EDIL3: variants seen among roughly 807,000 people sequenced by gnomAD.
EDIL3 encodes the protein EGF like and discoidin domains 3.
EDIL3 carries 37 observed loss-of-function variants against 67.4 expected under a neutral mutation model. That is an observed-to-expected ratio of 0.55 (90% CI 0.42 to 0.72). The LOEUF (loss-of-function observed/expected upper bound fraction) is 0.72. EDIL3 is among the 30% of genes least tolerant of loss of function. The pLI, the probability that EDIL3 is intolerant of heterozygous loss-of-function variation, is 0.00. For missense variants in EDIL3, 527 were observed against 586.3 expected (o/e 0.90, Z 1.04); for synonymous variants, 195 against 196.3 (o/e 0.99, Z 0.05).
chr5:83,954,475 G>A (rs1224145355), intron 10 of EDIL3, among the ~76,000 whole-genome samples: 3 of 151,470 alleles, frequency 2.0e-5, no homozygotes, highest in Admixed American at 2.0e-4. Flanking sequence ...AAAAAATAAT[G>A]TGTCACCTTA....
chr5:84,169,394 T>C (rs1748769287), intron 4 of EDIL3, among the ~76,000 whole-genome samples: 1 of 152,096 alleles, frequency 6.6e-6, no homozygotes, highest in African/African-American at 2.4e-5. Flanking sequence ...TTCAGATTTC[T>C]CCAGTTTTAC....
At chr5:84,095,674 G>A (rs919605077) in intron 6 of EDIL3, among the ~76,000 whole-genome samples, 5 of 152,160 alleles carry the variant, frequency 3.3e-5, no homozygotes, top group Admixed American at 1.3e-4. Context: ...AGCTTTATAA[G>A]GGAAGCAAAG....
chr5:84,183,679 G>T (rs535305055), intron 3 of EDIL3, among the ~76,000 whole-genome samples: 1 of 152,152 alleles, frequency 6.6e-6, no homozygotes, highest in Admixed American at 6.6e-5. Flanking sequence ...AGAAATTACC[G>T]AAGAGAGTGG....
rs143170382 is a variant in EDIL3 at position 84,243,689 on chromosome 5, T to A, written c.196+10395A>T. 5.3e-3 allele frequency among the ~76,000 whole-genome samples: 807 copies of A among 152,310 alleles called. 4 individuals carry two copies. Among genetic ancestry groups the A allele is most frequent in the African/African-American group, 0.018 (728 of 41,558 alleles). On this transcript the variant is annotated intron_variant, in intron 2 of 10. Coordinates refer to ENST00000296591, the MANE Select transcript of EDIL3 (RefSeq NM_005711.5). ...GGATTAGTACGTAAGAAAACAAATA[T>A]CTTTACTGGGTTCTATCTCTGGCTG...
intron 1 of EDIL3, among the ~76,000 whole-genome samples, chr5:84,364,932 T>C (rs1355130821): frequency 6.6e-6 from 1 of 152,056 alleles, no homozygotes; most frequent in Non-Finnish European, 1.5e-5. Context: ...CCATAGAGTG[T>C]TATACCAATC....
chr5:84,042,596 T>A (rs1337494997), intron 9 of EDIL3, among the ~76,000 whole-genome samples: 1 of 152,100 alleles, frequency 6.6e-6, no homozygotes, highest in Non-Finnish European at 1.5e-5. Flanking sequence ...ACTATTTTTT[T>A]AATTGAACCT....
At chr5:84,159,424 A>G (rs1452717083) in intron 4 of EDIL3, among the ~76,000 whole-genome samples, 1 of 152,038 alleles carries the variant, frequency 6.6e-6, no homozygotes, top group Non-Finnish European at 1.5e-5. Context: ...ATATAAATGT[A>G]ATAAAACTCA....
chr5:84,173,750 G>A (rs111499478), intron 4 of EDIL3, among the ~76,000 whole-genome samples: 1 of 152,318 alleles, frequency 6.6e-6, no homozygotes, highest in Non-Finnish European at 1.5e-5. Flanking sequence ...CCCCTCCTCA[G>A]CTGGGTGAGT....
intron 10 of EDIL3, among the ~76,000 whole-genome samples, chr5:83,962,729 A>C (rs904522049): frequency 1.3e-5 from 2 of 151,618 alleles, no homozygotes; most frequent in Admixed American, 1.3e-4. Context: ...TATTTCTAAA[A>C]TTCCTACTTG....
chr5:84,131,906 A>T (rs1418505945), intron 5 of EDIL3, among the ~76,000 whole-genome samples: 1 of 152,072 alleles, frequency 6.6e-6, no homozygotes, highest in Non-Finnish European at 1.5e-5. Context: ...TACTTAAACA[A>T]ATATACTTGG....
At chr5:83,970,468 A>G (rs1172561949) in intron 9 of EDIL3, among the ~76,000 whole-genome samples, 1 of 148,538 alleles carries the variant, frequency 6.7e-6, no homozygotes, top group African/African-American at 2.4e-5. Context: ...AAATGTATCA[A>G]TTACTGTTTT....
At chr5:84,179,075 C>T (rs1272373132) in intron 4 of EDIL3, among the ~76,000 whole-genome samples, 3 of 152,074 alleles carry the variant, frequency 2.0e-5, no homozygotes, top group Non-Finnish European at 4.4e-5. Flanking sequence ...AGAGAAAAGA[C>T]TTGGGGTGGC....
At chr5:84,161,131 G>C (rs1340390958) in intron 4 of EDIL3, among the ~76,000 whole-genome samples, 1 of 151,926 alleles carries the variant, frequency 6.6e-6, no homozygotes, top group Non-Finnish European at 1.5e-5. Flanking sequence ...TTAGAATAAT[G>C]GTCTCTAATA....
chr5:84,028,129 C>G (rs534572840), intron 9 of EDIL3, among the ~76,000 whole-genome samples: 1 of 152,192 alleles, frequency 6.6e-6, no homozygotes, highest in South Asian at 2.1e-4. Flanking sequence ...CACTACTATC[C>G]ATGCAGGACT....
At chr5:84,073,035 T>A (rs970767811) in intron 6 of EDIL3, among the ~76,000 whole-genome samples, 9 of 152,136 alleles carry the variant, frequency 5.9e-5, no homozygotes, top group African/African-American at 1.4e-4. Flanking sequence ...CATGTCTAGA[T>A]TTGACAGGGG....
At chr5:84,363,263 C>G (rs1747652528) in intron 1 of EDIL3, among the ~76,000 whole-genome samples, 1 of 151,950 alleles carries the variant, frequency 6.6e-6, no homozygotes, top group East Asian at 1.9e-4. Flanking sequence ...TTGAGACCAT[C>G]ATGGCCAACA....
At chr5:84,240,204 G>A (rs1282211414) in intron 2 of EDIL3, among the ~76,000 whole-genome samples, 1 of 152,092 alleles carries the variant, frequency 6.6e-6, no homozygotes, top group African/African-American at 2.4e-5. Context: ...GAATAAAACT[G>A]TAATAGAAAA....
intron 9 of EDIL3, among the ~76,000 whole-genome samples, chr5:83,999,388 A>G (rs201455106): frequency 3.9e-5 from 6 of 152,166 alleles, no homozygotes; most frequent in South Asian, 2.1e-4. Flanking sequence ...GGGAAGCTCA[A>G]TGAAATTCAA....
At chr5:83,963,096 T>C (rs373891087) in intron 10 of EDIL3, 109 bp downstream of exon 10, 1 of 1,320,982 alleles carries the variant, frequency 7.6e-7, no homozygotes, top group Non-Finnish European at 1.0e-6. Flanking sequence ...ATTTTCAGTA[T>C]ATATGGATAC....
Sources: gnomAD v4.1 joint callset for allele counts (sites outside exome capture counted in the v4.1 genomes callset) on GRCh38, gnomAD v4.1.1 for gene constraint, MANE v1.5 for transcripts, NCBI Gene and HGNC (gene_info 2026-07-23, HGNC 2026-07-21) for gene names.